CUX2: variants seen among roughly 807,000 people sequenced by gnomAD.
The protein encoded by CUX2 is homeobox protein cut-like 2.
A neutral mutation model predicts 144.8 loss-of-function variants in CUX2; 40 were observed. The ratio of observed to expected loss-of-function variants is 0.28; its 90% CI spans 0.21 to 0.36. CUX2 has a LOEUF of 0.36. CUX2 is among the 10% of genes least tolerant of loss of function. The pLI, the probability that CUX2 is intolerant of heterozygous loss-of-function variation, is 1.00. For missense variants in CUX2, 1,615 were observed against 1,994.0 expected (o/e 0.81, Z 3.62); for synonymous variants, 827 against 875.6 (o/e 0.94, Z 0.98).
chr12:111,179,269 C>T (rs1879023000), intron 1 of CUX2, among the ~76,000 whole-genome samples: 2 of 152,178 alleles, frequency 1.3e-5, no homozygotes, highest in Non-Finnish European at 2.9e-5. Flanking sequence ...AATCACTTCC[C>T]CTCTCTGAGC....
rs113250485 is a variant in CUX2, at chr12:111,107,429, A to T, written c.63+73189A>T. Among the ~76,000 whole-genome samples the T allele has an allele frequency of 9.7e-3, 1,482 of 152,368 alleles. 29 individuals are homozygous for T. The highest frequency in any genetic ancestry group is 0.034 in the African/African-American group (1,422 of 41,586). On this transcript the variant is annotated intron_variant, in intron 1 of 21. Transcript: ENST00000261726. ...CTAATCAGGCAAAGATGTCATGTAC[A>T]TGTCACTTACAATTCTTTTCTCCAT...
intron 18 of CUX2, among the ~76,000 whole-genome samples, chr12:111,324,284 G>T (rs546434217): frequency 4.6e-5 from 7 of 151,184 alleles, no homozygotes; most frequent in African/African-American, 1.7e-4. Flanking sequence ...GGGAGGCAGA[G>T]GTTGCAGTTG....
At chr12:111,089,078 G>A (rs145384817) in intron 1 of CUX2, among the ~76,000 whole-genome samples, 86 of 152,336 alleles carry the variant, frequency 5.6e-4, no homozygotes, top group African/African-American at 1.9e-3. Context: ...GGCACGGGGC[G>A]AAGGGACCTG....
chr12:111,132,168 C>T (rs1875528482), intron 1 of CUX2, among the ~76,000 whole-genome samples: 1 of 152,352 alleles, frequency 6.6e-6, no homozygotes, highest in Non-Finnish European at 1.5e-5. Flanking sequence ...CCTGCAGGCT[C>T]AACACCCTGT....
chr12:111,286,570 T>C (rs561176226), intron 4 of CUX2, among the ~76,000 whole-genome samples: 1 of 152,070 alleles, frequency 6.6e-6, no homozygotes, highest in South Asian at 2.1e-4. Flanking sequence ...ACCCTATCTC[T>C]ACAAAAATTA....
chr12:111,213,005 T>C (rs1339098067), intron 1 of CUX2, among the ~76,000 whole-genome samples: 4 of 152,186 alleles, frequency 2.6e-5, no homozygotes. Context: ...ACAAATGGGG[T>C]CTTTCAACAC....
At chr12:111,271,249 A>T (rs73197987) in intron 4 of CUX2, among the ~76,000 whole-genome samples, 17,394 of 152,274 alleles carry the variant, frequency 0.11, 1,149 homozygotes, top group African/African-American at 0.18. Flanking sequence ...TAAAAGTAGC[A>T]TATGCATGCT....
chr12:111,311,527 A>T (rs564492394), intron 15 of CUX2, among the ~76,000 whole-genome samples: 1 of 152,106 alleles, frequency 6.6e-6, no homozygotes, highest in South Asian at 2.1e-4. Flanking sequence ...GATCTCAGGT[A>T]ATCCACCCGC....
At chr12:111,162,070 C>T (rs1191609321) in intron 1 of CUX2, among the ~76,000 whole-genome samples, 3 of 152,152 alleles carry the variant, frequency 2.0e-5, no homozygotes, top group South Asian at 2.1e-4. Flanking sequence ...TCAGCAGGGG[C>T]GTTACTGTTA....
chr12:111,297,758 A>G (rs1289536936), intron 8 of CUX2, among the ~76,000 whole-genome samples: 1 of 152,206 alleles, frequency 6.6e-6, no homozygotes, highest in East Asian at 1.9e-4. Context: ...AGAGGAGACA[A>G]AAACTGATGT....
intron 4 of CUX2, among the ~76,000 whole-genome samples, chr12:111,283,564 G>A (rs774026535): frequency 3.3e-5 from 5 of 152,148 alleles, no homozygotes; most frequent in African/African-American, 7.2e-5. Context: ...ACCCCATGCC[G>A]TAGGTCCTTT....
At position 111,217,848 on chromosome 12, in the gene CUX2, C is replaced by T. The variant is rs761348881; in HGVS notation, c.175-42C>T. 4 of 1,611,782 alleles carry T rather than the reference C, an allele frequency of 2.5e-6. No individual in the cohort carries two copies. In the East Asian group the frequency reaches 8.9e-5, roughly 36 times the overall value. ...ACAAGCAGGGGCCACGGGGGCGTCCCACCTGGCACTGTAGTGAACTCTTTG... is the reference window on the plus strand; with the variant it reads ...ACAAGCAGGGGCCACGGGGGCGTCCTACCTGGCACTGTAGTGAACTCTTTG... On this transcript the variant is annotated intron_variant, in intron 2 of 21. Transcript: ENST00000261726.
At chr12:111,065,680 A>G (rs1308254140) in intron 1 of CUX2, among the ~76,000 whole-genome samples, 2 of 152,216 alleles carry the variant, frequency 1.3e-5, no homozygotes, top group Non-Finnish European at 2.9e-5. Context: ...GTTTTGGCTT[A>G]ATGTCCAGCA....
At chr12:111,334,135 C>T (rs769204712) in intron 18 of CUX2, among the ~76,000 whole-genome samples, 1 of 150,128 alleles carries the variant, frequency 6.7e-6, no homozygotes, top group Non-Finnish European at 1.5e-5. Flanking sequence ...TGCAGTGAGC[C>T]GAGATCACAC....
rs372290639 is a variant in CUX2, at chr12:111,347,608, G to A, written c.3744G>A (p.Pro1248=). 2.0e-5 allele frequency: 32 copies of A among 1,613,482 alleles called. No homozygotes were observed. In the East Asian group the frequency reaches 2.7e-4, roughly 13 times the overall value. Residue 1248 remains proline, a synonymous_variant, in exon 22 of 22, where the codon CCG becomes CCA. Coordinates refer to ENST00000261726, the MANE Select transcript of CUX2 (RefSeq NM_015267.4). ...CAAGCGGGGGTCCTGGAATCCTACC[G>A]CCAGGCCACTCCCACCCAGACCCCA... ...LDPSGGPGIL[P]PGHSHPDPTP...
Position 111,310,240 on chromosome 12 carries a change from A to G in CUX2, c.1458A>G (p.Ser486=), listed in dbSNP as rs1886822399. The G allele has an allele frequency of 6.6e-7, 1 of 1,506,588 alleles. No individual in the cohort carries two copies. The highest frequency in any genetic ancestry group is 1.4e-5 in the South Asian group (1 of 73,564). 93.3% of individuals were successfully genotyped at this position (1,506,588 alleles called of 1,614,324 possible). The change falls in exon 15 of 22, where the codon TCA becomes TCG. Residue 486 remains serine (S), a synonymous_variant. Transcript: ENST00000261726. This position sits in a 1 kb window ranked among gnomAD's most constrained non-coding sequence, Gnocchi z 7.9. ...TGTCCCCCTTCCCCAGCCTGGCATC[A>G]GGGGAGAGACTGATGATGCCCCCAG... ...FSLSPFPSLA[S]GERLMMPPAA...
rs1323554707 is a variant in CUX2, at chr12:111,322,463, C to T, written c.2809C>T (p.Arg937Trp). ...SQGSVSDMLS[R>W]PKPWSKLTQK... ...GGGCAGCGTGAGCGACATGCTGTCCCGGCCGAAGCCATGGAGCAAGCTGAC... is the reference window on the plus strand; with the variant it reads ...GGGCAGCGTGAGCGACATGCTGTCCTGGCCGAAGCCATGGAGCAAGCTGAC... The change falls in exon 18 of 22, where the codon CGG becomes TGG. Residue 937 changes from arginine to tryptophan, a missense_variant. Around this residue, in one of 12 missense-constraint regions of CUX2, gnomAD observed 17 missense variants for 68.7 expected, o/e 0.25. Coordinates refer to ENST00000261726, the MANE Select transcript of CUX2 (RefSeq NM_015267.4). This position sits in a 1 kb window ranked among gnomAD's most constrained non-coding sequence, Gnocchi z 4.2. 2.5e-6 allele frequency: 4 copies of T among 1,581,562 alleles called. No homozygotes were observed. The highest frequency in any genetic ancestry group is 3.4e-6 in the Non-Finnish European group (4 of 1,165,232).
At chr12:111,150,475 CGGGAGAAAG>C (rs1876966874) in intron 1 of CUX2, among the ~76,000 whole-genome samples, 1 of 152,092 alleles carries the variant, frequency 6.6e-6, no homozygotes. Context: ...CACGGGGCTC[CGGGAGAAAG>C]CTGGTTCTTT....
rs1000558571 is a variant in CUX2 at position 111,073,786 on chromosome 12, C to A, written c.63+39546C>A. Among the ~76,000 whole-genome samples the A allele has an allele frequency of 1.5e-4, 23 of 151,898 alleles. 1 individual carries two copies. Among genetic ancestry groups the A allele is most frequent in the African/African-American group, 4.9e-4 (20 of 41,218 alleles). ...ACCAGCCTGGGCAACACAGGGAGAC[C>A]CTGTCTCTATGAGAAAATTTAAAAA... is the stretch of plus-strand genomic sequence containing the variant. On this transcript the variant is annotated intron_variant, in intron 1 of 21. Coordinates refer to ENST00000261726, the MANE Select transcript of CUX2 (RefSeq NM_015267.4).
Sources: allele counts gnomAD v4.1 joint callset (sites outside exome capture counted in the v4.1 genomes callset), GRCh38; gene constraint gnomAD v4.1.1; regional missense constraint gnomAD v4.1.1; non-coding constraint Gnocchi (gnomAD v3.1); transcripts MANE v1.5; gene names NCBI Gene and HGNC (gene_info 2026-07-23, HGNC 2026-07-21).